GPHN: variants seen among roughly 807,000 people sequenced by gnomAD.
GPHN encodes the protein gephyrin.
In GPHN, 17 loss-of-function variants were observed where a neutral mutation model predicts 95.5. The observed-to-expected ratio is 0.18, with a 90% confidence interval of 0.12 to 0.27. GPHN has a LOEUF of 0.27. GPHN is among the 10% of genes least tolerant of loss of function. The pLI, the probability that GPHN is intolerant of heterozygous loss-of-function variation, is 1.00. For synonymous variants in GPHN, 320 were observed against 322.5 expected (o/e 0.99, Z 0.08); for missense variants, 660 against 978.1 (o/e 0.67, Z 4.34).
At chr14:67,422,497 C>T in the GPHN span, among the ~76,000 whole-genome samples, 1 of 152,190 alleles carries the variant, frequency 6.6e-6, no homozygotes, top group East Asian at 1.9e-4. Flanking sequence ...GGGTGCTATG[C>T]CATAAACATG....
the GPHN span, among the ~76,000 whole-genome samples, chr14:67,723,451 T>A: frequency 6.6e-6 from 1 of 152,122 alleles, no homozygotes; most frequent in Non-Finnish European, 1.5e-5. Flanking sequence ...CCCAGGCTGG[T>A]CTCAAACTCC....
At position 66,932,460 on chromosome 14, in the gene GPHN, T is replaced by G. The variant is rs1004676790; in HGVS notation, c.828+8168T>G. Among the ~76,000 whole-genome samples, 601 of 128,218 alleles carry G rather than the reference T, an allele frequency of 4.7e-3. 5 individuals are homozygous for G. Among genetic ancestry groups the G allele is most frequent in the African/African-American group, 0.016 (529 of 33,272 alleles). The allele number at this position is 128,218 out of a possible 152,430, so 84.1% of individuals were successfully genotyped here. On this transcript the variant is annotated intron_variant, in intron 8 of 22. Transcript: ENST00000478722. The stretch of plus-strand genomic sequence containing the variant: ...CAAGACCAGGTTTTTTTTTTTTTTT[T>G]TTTTTTTTTTTTTTTTTTTTCAGTG...
chr14:66,856,486 G>A (rs942593632), intron 4 of GPHN, among the ~76,000 whole-genome samples: 1 of 152,112 alleles, frequency 6.6e-6, no homozygotes, highest in African/African-American at 2.4e-5. Context: ...AGAAGGAAGA[G>A]TGAGATAGTA....
the GPHN span, chr14:67,471,782 T>TA: frequency 6.6e-6 from 1 of 152,202 alleles, no homozygotes; most frequent in Admixed American, 6.6e-5. Flanking sequence ...CCCTGCACAG[T>TA]ATGGGCAGGG....
chr14:67,188,516 G>A, the GPHN span, among the ~76,000 whole-genome samples: 1 of 152,168 alleles, frequency 6.6e-6, no homozygotes, highest in Non-Finnish European at 1.5e-5. Context: ...CAGGAACATG[G>A]CAAGTTGTGA....
intron 1 of GPHN, among the ~76,000 whole-genome samples, chr14:66,605,164 C>T (rs990029079): frequency 2.6e-5 from 4 of 151,984 alleles, no homozygotes; most frequent in South Asian, 2.1e-4. Context: ...GTGAACATAT[C>T]GGTGCATATG....
the GPHN span, among the ~76,000 whole-genome samples, chr14:67,541,201 A>G: frequency 6.6e-6 from 1 of 152,332 alleles, no homozygotes; most frequent in East Asian, 1.9e-4. Flanking sequence ...TTTTTTTCTC[A>G]TCTAACATTT....
chr14:66,771,137 C>T (rs1183036593), intron 2 of GPHN, among the ~76,000 whole-genome samples: 1 of 152,178 alleles, frequency 6.6e-6, no homozygotes, highest in African/African-American at 2.4e-5. Context: ...TATCACTCCT[C>T]TATAACTTTC....
chr14:67,694,665 T>G, the GPHN span, among the ~76,000 whole-genome samples: 1 of 151,742 alleles, frequency 6.6e-6, no homozygotes, highest in Non-Finnish European at 1.5e-5. Flanking sequence ...TGAGAAACCA[T>G]GTGTGCCTAG....
chr14:66,538,695 C>G (rs1404995457), intron 1 of GPHN, among the ~76,000 whole-genome samples: 1 of 150,304 alleles, frequency 6.7e-6, no homozygotes, highest in African/African-American at 2.4e-5. Flanking sequence ...TGGATAATGG[C>G]TATTTTAAAG....
Position 66,772,357 on chromosome 14 carries a change from G to A in GPHN, c.144-4107G>A, listed in dbSNP as rs185238536. Among the ~76,000 whole-genome samples, 4 of 152,282 alleles carry A rather than the reference G, an allele frequency of 2.6e-5. No homozygotes were observed. In the East Asian group the frequency reaches 5.8e-4, roughly 22 times the overall value. On this transcript the variant is annotated intron_variant, in intron 2 of 22. Transcript: ENST00000478722. ...GGCCCTGCTTTTAATCTTTGACCTCGTGGTAGGCAGAATTTTGGACTCATG... is the reference window on the plus strand; with the variant it reads ...GGCCCTGCTTTTAATCTTTGACCTCATGGTAGGCAGAATTTTGGACTCATG...
intron 5 of GPHN, among the ~76,000 whole-genome samples, chr14:66,880,418 A>G (rs1309409981): frequency 2.0e-5 from 3 of 151,818 alleles, no homozygotes; most frequent in African/African-American, 4.8e-5. Context: ...TCATATTACT[A>G]CTGGTAAAAG....
chr14:67,397,978 A>G, the GPHN span: 1 of 556,118 alleles, frequency 1.8e-6, no homozygotes, highest in South Asian at 3.4e-5. Flanking sequence ...ATCTCTTCTG[A>G]GTACGTAGCA....
At chr14:67,301,822 G>T in the GPHN span, 1 of 902,316 alleles carries the variant, frequency 1.1e-6, no homozygotes, top group South Asian at 2.5e-5. Flanking sequence ...TATGCCCTTA[G>T]TATACTTAAC....
intron 3 of GPHN, among the ~76,000 whole-genome samples, chr14:66,808,367 A>G (rs1027722710): frequency 1.3e-5 from 2 of 152,160 alleles, no homozygotes; most frequent in Non-Finnish European, 2.9e-5. Flanking sequence ...TGCTGAACAG[A>G]AATTCCTAAT....
At chr14:66,932,534 A>T (rs1224242946) in intron 8 of GPHN, among the ~76,000 whole-genome samples, 1 of 132,710 alleles carries the variant, frequency 7.5e-6, no homozygotes. Context: ...GCCGTCCAAG[A>T]GCTAGGGCCT....
the GPHN span, among the ~76,000 whole-genome samples, chr14:67,525,502 T>G: frequency 0.013 from 1,918 of 152,328 alleles, 45 homozygotes; most frequent in African/African-American, 0.044. Context: ...CTATAAATAT[T>G]AGGGGCACCC....
chr14:67,659,031 A>G, the GPHN span, among the ~76,000 whole-genome samples: 1 of 152,352 alleles, frequency 6.6e-6, no homozygotes, highest in African/African-American at 2.4e-5. Context: ...AGACAGACCA[A>G]ATGCAGCACA....
At chr14:66,637,782 T>G (rs996945256) in intron 1 of GPHN, among the ~76,000 whole-genome samples, 1 of 152,148 alleles carries the variant, frequency 6.6e-6, no homozygotes, top group African/African-American at 2.4e-5. Context: ...GTGGGGAAAC[T>G]GGTAAGTATG....
Sources: allele counts gnomAD v4.1 joint callset (sites outside exome capture counted in the v4.1 genomes callset), GRCh38; gene constraint gnomAD v4.1.1; transcripts MANE v1.5; gene names NCBI Gene and HGNC (gene_info 2026-07-23, HGNC 2026-07-21).